The following LRRIQ1 variants were observed in gnomAD, a reference collection of about 807,000 sequenced individuals.
The protein encoded by LRRIQ1 is leucine rich repeats and IQ motif containing 1.
In LRRIQ1, 210 loss-of-function variants were observed where a neutral mutation model predicts 211.9. That is an observed-to-expected ratio of 0.99 (90% CI 0.89 to 1.11). LRRIQ1 has a LOEUF of 1.11. Among genes scored for constraint, LRRIQ1 ranks in the 50% most tolerant of loss-of-function variants. LRRIQ1 has a pLI of 0.00. For missense variants in LRRIQ1, 2,136 were observed against 1,939.5 expected, an observed-to-expected ratio of 1.10 and a Z score of -1.90; for synonymous variants, 699 against 650.1, an observed-to-expected ratio of 1.08 and a Z score of -1.14.
At position 85,137,900 on chromosome 12, in the gene LRRIQ1, G is replaced by C. The variant is rs778410513; in HGVS notation, c.4260G>C (p.Glu1420Asp). The change falls in exon 19 of 27, where the codon GAG (glutamate) becomes GAC (aspartate). Residue 1420 changes from glutamate to aspartate, a missense_variant. Coordinates refer to ENST00000393217, the MANE Select transcript of LRRIQ1 (RefSeq NM_001079910.2). Reference sequence around the variant, plus strand: ...GAAAGAAACTGACAACAGCTCTAGAGGCTATTAAGAATGAAGAATCCGATG... The same window carrying C: ...GAAAGAAACTGACAACAGCTCTAGACGCTATTAAGAATGAAGAATCCGATG... ...ILRKKLTTAL[E>D]AIKNEESDEE... is the part of the protein sequence containing the mutation. The C allele has an allele frequency of 3.1e-6, 5 of 1,587,498 alleles. No individual in the cohort carries two copies. The Admixed American group carries it at 8.7e-5, about 28-fold the overall frequency.
At chr12:85,127,471 A>G (rs758055333) in intron 17 of LRRIQ1, among the ~76,000 whole-genome samples, 18 of 152,288 alleles carry the variant, frequency 1.2e-4, no homozygotes, top group Non-Finnish European at 2.1e-4. Flanking sequence ...GCTCTTGCCA[A>G]GTAAACATTG....
rs1021279388 is a variant in LRRIQ1, at chr12:85,170,036, A to G, written c.4822+9322A>G. Among the ~76,000 whole-genome samples, 19 of 152,156 alleles carry G rather than the reference A, an allele frequency of 1.2e-4. 1 individual carries two copies. Among genetic ancestry groups the G allele is most frequent in the Non-Finnish European group, 8.8e-5 (6 of 67,982 alleles). ...TTCTACAGAAAAAATAAATCTGATT[A>G]GAGAATTTGGTCCAGTGAAGCATAA... On this transcript the variant is annotated intron_variant, in intron 24 of 26. Transcript: ENST00000393217.
In LRRIQ1 at chr12:85,038,235, G is replaced by A; in HGVS notation, c.59G>A (p.Ser20Asn). 6.3e-7 allele frequency: 1 copy of A among 1,585,972 alleles called. No homozygotes were observed. Among genetic ancestry groups the A allele is most frequent in the Non-Finnish European group, 8.6e-7 (1 of 1,164,552 alleles). The change falls in exon 2 of 27, where the codon AGC (serine) becomes AAC (asparagine). Residue 20 changes from serine (S) to asparagine (N), a missense_variant. By Grantham distance (46) the Ser-to-Asn change is conservative. Coordinates refer to ENST00000393217, the MANE Select transcript of LRRIQ1 (RefSeq NM_001079910.2). ...AEIEAELDKL[S>N]ISSLEKEDIE... ...ATAGAAGCTGAATTGGATAAACTCA[G>A]CATTTCCTCCTTGGAAAAAGAAGAC...
intron 1 of LRRIQ1, among the ~76,000 whole-genome samples, chr12:85,255,558 A>T (rs1054360212): frequency 6.6e-6 from 1 of 151,772 alleles, no homozygotes; most frequent in African/African-American, 2.4e-5. Flanking sequence ...TTTGCTTTTT[A>T]TCTCAACTAT....
chr12:85,098,610 C>T lies in LRRIQ1; in HGVS notation c.3081+62C>T, dbSNP rs1438118755. On this transcript the variant is annotated intron_variant, in intron 12 of 26. Coordinates refer to ENST00000393217, the MANE Select transcript of LRRIQ1 (RefSeq NM_001079910.2). Reference sequence around the variant, plus strand: ...CAACACTTTTCTTTTGATAGAAATACCAATCACATATTAAAAGCAATTTTG... The same window carrying T: ...CAACACTTTTCTTTTGATAGAAATATCAATCACATATTAAAAGCAATTTTG... 2.2e-6 allele frequency: 3 copies of T among 1,348,408 alleles called. No homozygotes were observed. In the African/African-American group the frequency reaches 4.4e-5, roughly 20 times the overall value. 83.5% of individuals were successfully genotyped at this position (1,348,408 alleles called of 1,614,324 possible).
chr12:85,207,638 G>A (rs528708477), intron 24 of LRRIQ1, among the ~76,000 whole-genome samples: 12 of 152,040 alleles, frequency 7.9e-5, no homozygotes, highest in Admixed American at 3.9e-4. Context: ...TTATCTCCTA[G>A]TAGTTTTATA....
chr12:85,191,697 A>G (rs1253396467), intron 24 of LRRIQ1, among the ~76,000 whole-genome samples: 1 of 151,994 alleles, frequency 6.6e-6, no homozygotes, highest in Non-Finnish European at 1.5e-5. Context: ...GCTGAATTGT[A>G]TGGCAAGAGT....
chr12:85,083,785 T>A (rs1884540925), intron 11 of LRRIQ1, among the ~76,000 whole-genome samples: 1 of 152,178 alleles, frequency 6.6e-6, no homozygotes, highest in South Asian at 2.1e-4. Flanking sequence ...GTCTAAAAAT[T>A]ATACTGTAAA....
chr12:85,219,076 A>G lies in LRRIQ1; in HGVS notation c.4823-10441A>G, dbSNP rs1416033845. On this transcript the variant is annotated intron_variant, in intron 24 of 26. Coordinates refer to ENST00000393217, the MANE Select transcript of LRRIQ1 (RefSeq NM_001079910.2). ...CTCACCTTACTCTAGTCCCAGCCCT[A>G]GTTATAGCACACATGGAGACACATT... Among the ~76,000 whole-genome samples the G allele has an allele frequency of 2.0e-5, 3 of 152,110 alleles. No individual in the cohort carries two copies. The East Asian group carries it at 5.8e-4, about 29-fold the overall frequency.
chr12:85,195,691 T>G (rs947435112), intron 24 of LRRIQ1, among the ~76,000 whole-genome samples: 1 of 151,574 alleles, frequency 6.6e-6, no homozygotes, highest in Non-Finnish European at 1.5e-5. Context: ...TAATAAGAGC[T>G]ATCTATGACA....
chr12:85,187,580 G>C (rs913409279), intron 24 of LRRIQ1, among the ~76,000 whole-genome samples: 2 of 152,036 alleles, frequency 1.3e-5, no homozygotes, highest in African/African-American at 2.4e-5. Context: ...GCCAAGGCAG[G>C]TGGATCACCT....
At chr12:85,048,454 G>T (rs1421120984) in intron 6 of LRRIQ1, 1 of 151,886 alleles carries the variant, frequency 6.6e-6, no homozygotes, top group Non-Finnish European at 1.5e-5. Context: ...AGCTACCCGG[G>T]AGGCTGAGGC....
chr12:85,261,220 G>A (rs897288021), intron 1 of LRRIQ1, among the ~76,000 whole-genome samples: 1 of 152,014 alleles, frequency 6.6e-6, no homozygotes, highest in South Asian at 2.1e-4. Flanking sequence ...TTAATCATTA[G>A]CCTTTAACTT....
chr12:85,044,997 A>G (rs1565781609), intron 4 of LRRIQ1, among the ~76,000 whole-genome samples, 188 bp downstream of exon 4: 1 of 151,928 alleles, frequency 6.6e-6, no homozygotes, highest in Non-Finnish European at 1.5e-5. Context: ...CTCAATTTTC[A>G]GTCTTTAAGA....
chr12:85,088,497 C>T (rs1885062608), intron 11 of LRRIQ1, among the ~76,000 whole-genome samples: 1 of 152,092 alleles, frequency 6.6e-6, no homozygotes, highest in Non-Finnish European at 1.5e-5. Context: ...TCATTGGTAG[C>T]TTGATGGGGA....
intron 15 of LRRIQ1, among the ~76,000 whole-genome samples, chr12:85,108,612 A>G (rs891383700): frequency 9.9e-5 from 15 of 152,168 alleles, no homozygotes; most frequent in African/African-American, 3.4e-4. Context: ...GAGAATTTGC[A>G]TATGTCCACT....
intron 24 of LRRIQ1, among the ~76,000 whole-genome samples, chr12:85,209,927 T>A (rs576495318): frequency 2.0e-5 from 3 of 152,114 alleles, no homozygotes; most frequent in Admixed American, 6.6e-5. Flanking sequence ...TTCCACTTCA[T>A]CAAGAAGCCA....
rs1592987818 is a variant in LRRIQ1, at chr12:85,219,572, A to T, written c.4823-9945A>T. On this transcript the variant is annotated intron_variant, in intron 24 of 26. Coordinates refer to ENST00000393217, the MANE Select transcript of LRRIQ1 (RefSeq NM_001079910.2). The stretch of plus-strand genomic sequence containing the variant: ...GAATTCAAATGTCAGAAACTAGCAC[A>T]TAACTTTTCATTTTAGTTTTTTTTT... 2.0e-5 allele frequency among the ~76,000 whole-genome samples: 3 copies of T among 152,216 alleles called. No individual in the cohort carries two copies. In the South Asian group the frequency reaches 6.2e-4, roughly 32 times the overall value.
intron 23 of LRRIQ1, among the ~76,000 whole-genome samples, chr12:85,157,617 G>A (rs182561911): frequency 6.6e-6 from 1 of 152,008 alleles, no homozygotes; most frequent in African/African-American, 2.4e-5. Flanking sequence ...CCTGTGTAAG[G>A]TGAGAGTTAC....
Sources: allele counts gnomAD v4.1 joint callset (sites outside exome capture counted in the v4.1 genomes callset), GRCh38; gene constraint gnomAD v4.1.1; transcripts MANE v1.5; gene names NCBI Gene and HGNC (gene_info 2026-07-23, HGNC 2026-07-21).